Variants in GPANK1 observed in about 807,000 individuals in gnomAD.
GPANK1 encodes the protein G patch domain and ankyrin repeat-containing protein 1.
A neutral mutation model predicts 24.0 loss-of-function variants in GPANK1; 22 were observed. The ratio of observed to expected loss-of-function variants is 0.92; its 90% CI spans 0.66 to 1.31. The LOEUF is 1.31. Among genes scored for constraint, GPANK1 ranks in the 50% most tolerant of loss-of-function variants. GPANK1 has a pLI of 0.00. For missense variants in GPANK1, 469 were observed against 453.5 expected (o/e 1.03, Z -0.31); for synonymous variants, 174 against 177.4 (o/e 0.98, Z 0.15).
rs771777595 is a variant in GPANK1 at position 31,662,311 on chromosome 6, CCT to C, written c.1024_1025del (p.Arg342GlyfsTer38). 62 of 1,587,022 alleles carry C rather than the reference CCT, an allele frequency of 3.9e-5. No homozygotes were observed. The highest frequency in any genetic ancestry group is 4.9e-5 in the Non-Finnish European group (57 of 1,164,192). ...REERRREEKDRAWERDLRTYM... is the reference protein window; with the variant it reads ...REERRREEKDXAWERDLRTYM... ...AAGTCCTTAGATCCCGCTCCCAAGC[CCT>C]GTCTTTCTCCTCCCTCCTTCTCTCC... is the stretch of plus-strand genomic sequence containing the variant. On this transcript the variant is annotated frameshift_variant, in exon 3 of 3. Coordinates refer to ENST00000375896, the MANE Select transcript of GPANK1 (RefSeq NM_033177.4). LOFTEE classifies it high-confidence loss of function. The surrounding 1 kb of genome is among the most constrained non-coding windows in gnomAD (Gnocchi z 5.5).
chr6:31,662,140 G>C lies in GPANK1; in HGVS notation c.*126C>G, dbSNP rs1800938829. 1.8e-6 allele frequency: 1 copy of C among 558,594 alleles called. No individual in the cohort carries two copies. The highest frequency in any genetic ancestry group is 3.0e-5 in the East Asian group (1 of 33,580). 34.6% of individuals were successfully genotyped at this position (558,594 alleles called of 1,614,324 possible). ...TCTCAGCCCGTCTCTCACGAAGACA[G>C]AGCCTATTGACCAAAAACTTCAGGA... On this transcript the variant is annotated 3_prime_UTR_variant, in exon 3 of 3. Transcript: ENST00000375896. This position sits in a 1 kb window ranked among gnomAD's most constrained non-coding sequence, Gnocchi z 5.5.
In GPANK1 at chr6:31,662,661, G is replaced by T; in HGVS notation, c.676C>A (p.Gln226Lys). Residue 226 changes from glutamine to lysine, a missense_variant, in exon 3 of 3, where the codon CAA becomes AAA. Transcript: ENST00000375896. The surrounding 1 kb of genome is among the most constrained non-coding windows in gnomAD (Gnocchi z 5.5). Reference sequence around the variant, plus strand: ...GTGGATGTGCGGTGGTTGGAATCTTGGAAGTGGGTGTCACAGTTCTCGCAG... The same window carrying T: ...GTGGATGTGCGGTGGTTGGAATCTTTGAAGTGGGTGTCACAGTTCTCGCAG... ...QYCENCDTHF[Q>K]DSNHRTSTAH... The T allele has an allele frequency of 6.2e-7, 1 of 1,611,636 alleles. No individual in the cohort carries two copies. The highest frequency in any genetic ancestry group is 8.5e-7 in the Non-Finnish European group (1 of 1,178,964).
chr6:31,665,519 C>T, upstream of GPANK1: 1 of 1,552,560 alleles, frequency 6.4e-7, no homozygotes, highest in Non-Finnish European at 8.7e-7. Flanking sequence ...CGTTCCAGTT[C>T]TCACACCGCC....
intron 2 of GPANK1, among the ~76,000 whole-genome samples, chr6:31,663,628 A>G (rs1801199838): frequency 6.6e-6 from 1 of 152,218 alleles, no homozygotes; most frequent in Admixed American, 6.5e-5. Context: ...TTCTAAGATG[A>G]GAAAACTGGA....
chr6:31,664,620 C>G, intron 1 of GPANK1, 43 bp from the exon 2 acceptor site: 4 of 637,306 alleles, frequency 6.3e-6, no homozygotes, highest in Non-Finnish European at 1.1e-5. Flanking sequence ...TTTCCTGCCA[C>G]TAAAGTAACC....
Position 31,662,739 on chromosome 6 carries a change from G to A in GPANK1, c.627-29C>T, listed in dbSNP as rs1801051878. On this transcript the variant is annotated intron_variant, in intron 2 of 2. Coordinates refer to ENST00000375896, the MANE Select transcript of GPANK1 (RefSeq NM_033177.4). The surrounding 1 kb of genome is among the most constrained non-coding windows in gnomAD (Gnocchi z 5.5). ...CAGAGAAAGAAGAAAAAGCATTAAG[G>A]GCAGGGGAAGGAAAAGGGGAAGAGT... 6.3e-6 allele frequency: 9 copies of A among 1,426,046 alleles called. No individual in the cohort carries two copies. The highest frequency in any genetic ancestry group is 8.7e-6 in the Non-Finnish European group (9 of 1,035,552). 88.3% of individuals were successfully genotyped at this position (1,426,046 alleles called of 1,614,324 possible). A position where few individuals can be genotyped will look rare whatever the true frequency, so the allele number is the denominator to read the frequency against.
At chr6:31,665,901 G>T, upstream of GPANK1, 1 of 1,086,864 alleles carries the variant, frequency 9.2e-7, no homozygotes, top group Non-Finnish European at 1.1e-6. Flanking sequence ...TGCCCCGCCC[G>T]CAAGCGCCCT....
rs535293632 is a variant in GPANK1 at position 31,664,925 on chromosome 6, G to A, written c.-184C>T. Reference sequence around the variant, plus strand: ...TCCTCTTCCCAAACAAAAATAGATGGGTCACTCCCTAGAAGATCTCGGGGA... The same window carrying A: ...TCCTCTTCCCAAACAAAAATAGATGAGTCACTCCCTAGAAGATCTCGGGGA... On this transcript the variant is annotated 5_prime_UTR_variant, in exon 1 of 3. Transcript: ENST00000375896. 3.5e-4 allele frequency: 73 copies of A among 209,084 alleles called. No individual in the cohort carries two copies. The highest frequency in any genetic ancestry group is 5.0e-4 in the Non-Finnish European group (52 of 103,294). The allele number at this position is 209,084 out of a possible 1,614,324, so 13.0% of individuals were successfully genotyped here. A position where few individuals can be genotyped will look rare whatever the true frequency, so the allele number is the denominator to read the frequency against.
chr6:31,664,279 T>C lies in GPANK1; in HGVS notation c.200A>G (p.Glu67Gly). 1 of 1,614,158 alleles carries C rather than the reference T, an allele frequency of 6.2e-7. No homozygotes were observed. The highest frequency in any genetic ancestry group is 1.6e-4 in the Middle Eastern group (1 of 6,062). ...TATTCTTCTTTTCTTTCTCTTTCTT[T>C]CTCTGGCAGGTTCAGTCTGAGATCT... ...SQRSQTEPAR[E>G]RKRKKRRIMK... Residue 67 changes from glutamate (E) to glycine (G), a missense_variant, in exon 2 of 3, where the codon GAA becomes GGA. Transcript: ENST00000375896.
upstream of GPANK1, chr6:31,665,709 C>T (rs1286914202): frequency 2.5e-6 from 2 of 811,520 alleles, no homozygotes; most frequent in Non-Finnish European, 3.8e-6. Flanking sequence ...GTCCCCTGGG[C>T]AGCAGCGCCG....
Position 31,662,593 on chromosome 6 carries a change from G to A in GPANK1, c.744C>T (p.Asn248=), listed in dbSNP as rs752865863. Residue 248 remains asparagine, a synonymous_variant, in exon 3 of 3, where the codon AAC becomes AAT. Coordinates refer to ENST00000375896, the MANE Select transcript of GPANK1 (RefSeq NM_033177.4). This position sits in a 1 kb window ranked among gnomAD's most constrained non-coding sequence, Gnocchi z 5.5. The stretch of plus-strand genomic sequence containing the variant: ...TGGAGATGGGCACCCCAAGTGGAAG[G>A]TTGGGAGGCTGAGGACCCTGCGACA... The part of the protein sequence containing the change: ...LSLSQGPQPP[N]LPLGVPISSP... The A allele has an allele frequency of 6.2e-7, 1 of 1,612,904 alleles. No individual in the cohort carries two copies. The highest frequency in any genetic ancestry group is 8.5e-7 in the Non-Finnish European group (1 of 1,179,878).
chr6:31,662,187 G>A lies in GPANK1; in HGVS notation c.*79C>T, dbSNP rs1800944767. The A allele has an allele frequency of 2.2e-6, 2 of 928,990 alleles. No homozygotes were observed. The highest frequency in any genetic ancestry group is 2.5e-5 in the Admixed American group (1 of 39,382). The allele number at this position is 928,990 out of a possible 1,614,324, so 57.5% of individuals were successfully genotyped here. ...AGGATCTGCATCTGAGCAGATCCCAGGAAGGGGAAGTCAAAGGGCCCAGGT... is the reference window on the plus strand; with the variant it reads ...AGGATCTGCATCTGAGCAGATCCCAAGAAGGGGAAGTCAAAGGGCCCAGGT... On this transcript the variant is annotated 3_prime_UTR_variant, in exon 3 of 3. Coordinates refer to ENST00000375896, the MANE Select transcript of GPANK1 (RefSeq NM_033177.4). This position sits in a 1 kb window ranked among gnomAD's most constrained non-coding sequence, Gnocchi z 5.5.
At chr6:31,665,222 CT>C, upstream of GPANK1, 1 of 570,626 alleles carries the variant, frequency 1.8e-6, no homozygotes, top group Non-Finnish European at 3.2e-6. Context: ...TGGGGTCCTA[CT>C]TTTACATAAC....
chr6:31,665,789 C>A (rs1157233320), upstream of GPANK1: 16 of 1,133,838 alleles, frequency 1.4e-5, no homozygotes, highest in Admixed American at 6.1e-5. Flanking sequence ...CCTTTCCCCG[C>A]CCTAAGTCAG....
At chr6:31,664,686 G>A (rs996774362) in intron 1 of GPANK1, 109 bp from the exon 2 acceptor site, 18 of 582,206 alleles carry the variant, frequency 3.1e-5, no homozygotes, top group Non-Finnish European at 5.5e-5. Flanking sequence ...TAAAAACATG[G>A]AACCCTACAA....
upstream of GPANK1, chr6:31,665,165 G>A (rs1219514161): frequency 4.2e-6 from 2 of 478,062 alleles, no homozygotes; most frequent in Admixed American, 3.3e-5. Flanking sequence ...TAGTAAACGA[G>A]CAAAGCTCCG....
chr6:31,663,762 T>A (rs1268929232), intron 2 of GPANK1, 91 bp downstream of exon 2: 1 of 1,486,336 alleles, frequency 6.7e-7, no homozygotes, highest in Non-Finnish European at 8.9e-7. Flanking sequence ...AGGAAAGAAC[T>A]CTTCAGCACT....
chr6:31,664,611 T>C (rs1801389238), intron 1 of GPANK1, 34 bp from the exon 2 acceptor site: 1 of 657,556 alleles, frequency 1.5e-6, no homozygotes, highest in African/African-American at 1.8e-5. Context: ...CAAAAACACT[T>C]TCCTGCCACT....
At chr6:31,664,707 G>A in intron 1 of GPANK1, 130 bp from the exon 2 acceptor site, 1 of 559,034 alleles carries the variant, frequency 1.8e-6, no homozygotes, top group East Asian at 2.9e-5. Flanking sequence ...TACCGACTTT[G>A]CTCCTTAGTA....
Sources: allele counts gnomAD v4.1 joint callset (sites outside exome capture counted in the v4.1 genomes callset), GRCh38; gene constraint gnomAD v4.1.1; non-coding constraint Gnocchi (gnomAD v3.1); transcripts MANE v1.5; gene names NCBI Gene and HGNC (gene_info 2026-07-23, HGNC 2026-07-21).